Variants in PTGIR observed in about 807,000 individuals in gnomAD.
PTGIR encodes the protein prostaglandin I2 receptor.
In PTGIR, 16 loss-of-function variants were observed where a neutral mutation model predicts 17.6. That is an observed-to-expected ratio of 0.91 (90% CI 0.61 to 1.38). PTGIR has a LOEUF of 1.38. Among genes scored for constraint, PTGIR ranks in the 40% most tolerant of loss-of-function variants. The probability of loss-of-function intolerance (pLI) is 0.00; values close to 1 mark genes in which losing one functional copy is unlikely to be tolerated. For missense variants in PTGIR, 532 were observed against 548.6 expected (o/e 0.97, Z 0.30); for synonymous variants, 274 against 255.4 (o/e 1.07, Z -0.69).
chr19:46,618,014 A>ATTTTTTTTTT (rs56961349), downstream of PTGIR, among the ~76,000 whole-genome samples: 1 of 112,758 alleles, frequency 8.9e-6, no homozygotes. Flanking sequence ...AATTTTTGTA[A>ATTTTTTTTTT]TTTTTTTTTT....
At chr19:46,616,492 C>T (rs1346736428), downstream of PTGIR, among the ~76,000 whole-genome samples, 1 of 151,874 alleles carries the variant, frequency 6.6e-6, no homozygotes, top group Non-Finnish European at 1.5e-5. Context: ...CGCCACCACA[C>T]CCAGCTAATT....
chr19:46,619,566 AG>A (rs1972018240), downstream of PTGIR, among the ~76,000 whole-genome samples: 1 of 130,096 alleles, frequency 7.7e-6, no homozygotes, highest in African/African-American at 3.1e-5. Context: ...AGAGAGAGAG[AG>A]AGAGAGAGAG....
rs202009923 is a variant in PTGIR at position 46,623,816 on chromosome 19, C to T, written c.410G>A (p.Arg137His). The T allele has an allele frequency of 3.1e-6, 5 of 1,607,334 alleles. No homozygotes were observed. Among genetic ancestry groups the T allele is most frequent in the Non-Finnish European group, 4.2e-6 (5 of 1,178,180 alleles). ...YAQLDGPRCA[R>H]LALPAIYAFC... The stretch of plus-strand genomic sequence containing the variant: ...GGCGTAGATGGCTGGCAGCGCCAGG[C>T]GGGCGCAGCGGGGCCCGTCCAGCTG... The change falls in exon 2 of 3, where the codon CGC becomes CAC. Residue 137 changes from arginine to histidine, a missense_variant. Arg to His is a conservative substitution (Grantham distance 29, BLOSUM62 0). Transcript: ENST00000291294.
downstream of PTGIR, among the ~76,000 whole-genome samples, chr19:46,616,266 G>T (rs78053831): frequency 0.019 from 2,876 of 151,278 alleles, 71 homozygotes; most frequent in African/African-American, 0.063. Flanking sequence ...TGAATATACA[G>T]GAGGCTTAGA....
At chr19:46,614,360 CG>C in the PTGIR span, 2 of 984,262 alleles carry the variant, frequency 2.0e-6, no homozygotes, top group African/African-American at 3.5e-5. Flanking sequence ...GCCCAGCCCA[CG>C]GCATAAATCT....
At chr19:46,613,948 G>T in the PTGIR span, among the ~76,000 whole-genome samples, 565 of 152,312 alleles carry the variant, frequency 3.7e-3, 2 homozygotes, top group African/African-American at 0.013. Context: ...TGTTTTGAAA[G>T]ACTTTTACTG....
chr19:46,611,588 C>A, the PTGIR span, among the ~76,000 whole-genome samples: 1 of 152,212 alleles, frequency 6.6e-6, no homozygotes. Context: ...GCTCAACTTT[C>A]TCGTGGCAAG....
Position 46,620,578 on chromosome 19 carries a change from G to A in PTGIR, c.*702C>T. 1 of 985,170 alleles carries A rather than the reference G, an allele frequency of 1.0e-6. No homozygotes were observed. The highest frequency in any genetic ancestry group is 1.7e-5 in the African/African-American group (1 of 57,160). The allele number at this position is 985,170 out of a possible 1,614,324, so 61.0% of individuals were successfully genotyped here. A position where few individuals can be genotyped will look rare whatever the true frequency, so the allele number is the denominator to read the frequency against. ...GATCCGCAGCCCCCACCCTTCATCT[G>A]CCAGCTTCTCCATCTGTCTCCCCAC... is the stretch of plus-strand genomic sequence containing the variant. On this transcript the variant is annotated 3_prime_UTR_variant, in exon 3 of 3. Coordinates refer to ENST00000291294, the MANE Select transcript of PTGIR (RefSeq NM_000960.4).
chr19:46,614,513 C>A, the PTGIR span: 1 of 833,972 alleles, frequency 1.2e-6, no homozygotes, highest in Non-Finnish European at 1.4e-6. Flanking sequence ...GAGCCCCACC[C>A]CAGACTAGGG....
At chr19:46,616,820 G>A (rs567892010), downstream of PTGIR, among the ~76,000 whole-genome samples, 2 of 152,262 alleles carry the variant, frequency 1.3e-5, no homozygotes, top group Admixed American at 6.5e-5. Context: ...CTCTATCACT[G>A]CCATGTCACC....
At chr19:46,613,598 C>G in the PTGIR span, among the ~76,000 whole-genome samples, 1 of 152,138 alleles carries the variant, frequency 6.6e-6, no homozygotes, top group East Asian at 1.9e-4. Context: ...TCCCAAAGTA[C>G]TAGGATTACA....
At chr19:46,611,817 TG>T in the PTGIR span, among the ~76,000 whole-genome samples, 1 of 152,180 alleles carries the variant, frequency 6.6e-6, no homozygotes, top group Non-Finnish European at 1.5e-5. Flanking sequence ...GAATGGGGAA[TG>T]AGAGGTTAAT....
downstream of PTGIR, among the ~76,000 whole-genome samples, chr19:46,620,111 G>GT (rs1295265830): frequency 2.0e-5 from 3 of 152,084 alleles, no homozygotes; most frequent in Non-Finnish European, 4.4e-5. Context: ...AAGGTTGAGG[G>GT]TTTTTTTGGG....
At chr19:46,613,044 T>C in the PTGIR span, among the ~76,000 whole-genome samples, 1 of 118,510 alleles carries the variant, frequency 8.4e-6, no homozygotes, top group African/African-American at 3.2e-5. Flanking sequence ...TTTTTTTTTT[T>C]TTTTTTTTTT....
downstream of PTGIR, among the ~76,000 whole-genome samples, chr19:46,618,869 G>A (rs1289763197): frequency 2.0e-5 from 3 of 152,136 alleles, no homozygotes; most frequent in Admixed American, 2.0e-4. Flanking sequence ...ACCTGGGCAG[G>A]GTGGGGGAAG....
chr19:46,619,670 G>GA (rs1972031232), downstream of PTGIR, among the ~76,000 whole-genome samples: 1 of 139,216 alleles, frequency 7.2e-6, no homozygotes, highest in African/African-American at 2.8e-5. Context: ...AAGAAAGAAA[G>GA]AAAGAGGATT....
At chr19:46,616,081 T>C (rs1400039336), downstream of PTGIR, among the ~76,000 whole-genome samples, 3 of 151,810 alleles carry the variant, frequency 2.0e-5, no homozygotes, top group Non-Finnish European at 4.4e-5. Flanking sequence ...GGATTACAGG[T>C]GTGAGCCACT....
At position 46,621,315 on chromosome 19, in the gene PTGIR, T is replaced by C; in HGVS notation, c.1126A>G (p.Lys376Glu). Residue 376 changes from lysine (K) to glutamate (E), a missense_variant, in exon 3 of 3, where the codon AAA (lysine) becomes GAA (glutamate). Coordinates refer to ENST00000291294, the MANE Select transcript of PTGIR (RefSeq NM_000960.4). This position sits in a 1 kb window ranked among gnomAD's most constrained non-coding sequence, Gnocchi z 4.8. ...SSGSAVGTSS[K>E]AEASVACSLC ...GAGCAGGCGACGCTGGCTTCTGCTT[T>C]GGACGACGTTCCCACGGCGCTGCCG... 1 of 1,519,852 alleles carries C rather than the reference T, an allele frequency of 6.6e-7. No individual in the cohort carries two copies. Among genetic ancestry groups the C allele is most frequent in the Non-Finnish European group, 8.8e-7 (1 of 1,133,684 alleles). The allele number at this position is 1,519,852 out of a possible 1,614,324, so 94.1% of individuals were successfully genotyped here.
chr19:46,623,558 G>C lies in PTGIR; in HGVS notation c.668C>G (p.Ser223Cys). Residue 223 changes from serine (S) to cysteine (C), a missense_variant, in exon 2 of 3, where the codon TCT becomes TGT. By Grantham distance (112) the Ser-to-Cys change is moderately radical. Coordinates refer to ENST00000291294, the MANE Select transcript of PTGIR (RefSeq NM_000960.4). ...MYRQQKRHQG[S>C]LGPRPRTGED... ...TCCGGTGCGCGGCCGTGGACCCAGA[G>C]AGCCCTGGTGGCGCTTCTGCTGGCG... 1 of 1,554,820 alleles carries C rather than the reference G, an allele frequency of 6.4e-7. No homozygotes were observed. The highest frequency in any genetic ancestry group is 8.7e-7 in the Non-Finnish European group (1 of 1,149,026).
Sources: allele counts gnomAD v4.1 joint callset (sites outside exome capture counted in the v4.1 genomes callset), GRCh38; gene constraint gnomAD v4.1.1; non-coding constraint Gnocchi (gnomAD v3.1); transcripts MANE v1.5; gene names NCBI Gene and HGNC (gene_info 2026-07-23, HGNC 2026-07-21).